Variants in TMEM132D observed in about 807,000 individuals in gnomAD.
The protein encoded by TMEM132D is mature OL transmembrane protein.
In TMEM132D, 21 loss-of-function variants were observed where a neutral mutation model predicts 62.3. The ratio of observed to expected loss-of-function variants is 0.34; its 90% CI spans 0.24 to 0.49. The LOEUF is 0.49. Ranked by LOEUF, TMEM132D falls within the 20% of genes least tolerant of loss-of-function variation. TMEM132D has a pLI of 0.99. For missense variants in TMEM132D, 1,346 were observed against 1,402.8 expected, an observed-to-expected ratio of 0.96 and a Z score of 0.65; for synonymous variants, 621 against 575.6, an observed-to-expected ratio of 1.08 and a Z score of -1.13.
chr12:129,644,495 TGA>T (rs1879720690), intron 2 of TMEM132D, among the ~76,000 whole-genome samples: 1 of 151,596 alleles, frequency 6.6e-6, no homozygotes, highest in African/African-American at 2.4e-5. Flanking sequence ...ACCATGGGAG[TGA>T]GAGAGACCAG....
intron 4 of TMEM132D, among the ~76,000 whole-genome samples, chr12:129,268,328 A>G (rs1022359232): frequency 6.6e-6 from 1 of 152,212 alleles, no homozygotes; most frequent in African/African-American, 2.4e-5. Flanking sequence ...GAACTCAAAC[A>G]AATTTACAAG....
At chr12:129,364,518 T>C (rs531369300) in intron 3 of TMEM132D, among the ~76,000 whole-genome samples, 1 of 152,354 alleles carries the variant, frequency 6.6e-6, no homozygotes, top group East Asian at 1.9e-4. Flanking sequence ...AGCGTAATTT[T>C]GTAGTTGCAA....
chr12:129,249,907 C>G (rs1458036259), intron 4 of TMEM132D, among the ~76,000 whole-genome samples: 1 of 152,094 alleles, frequency 6.6e-6, no homozygotes, highest in Non-Finnish European at 1.5e-5. Flanking sequence ...CAGGGTGTGA[C>G]AAGGGCAGGA....
intron 1 of TMEM132D, among the ~76,000 whole-genome samples, chr12:129,707,192 T>C (rs1881526455): frequency 6.8e-6 from 1 of 147,934 alleles, no homozygotes. Context: ...TATAATAACA[T>C]TGTAATATAA....
intron 5 of TMEM132D, among the ~76,000 whole-genome samples, chr12:129,198,577 A>G (rs1000425615): frequency 1.3e-4 from 20 of 152,256 alleles, no homozygotes; most frequent in Admixed American, 6.5e-4. Flanking sequence ...CAAATACTGC[A>G]TGTTCTCATT....
intron 5 of TMEM132D, among the ~76,000 whole-genome samples, chr12:129,124,040 GTCTA>G (rs1210624746): frequency 6.6e-6 from 1 of 152,140 alleles, no homozygotes; most frequent in East Asian, 1.9e-4. Flanking sequence ...CTCCCCATCT[GTCTA>G]TCTATGTGCA....
intron 2 of TMEM132D, among the ~76,000 whole-genome samples, chr12:129,603,267 G>A (rs1878529734): frequency 6.6e-6 from 1 of 152,256 alleles, no homozygotes; most frequent in Non-Finnish European, 1.5e-5. Context: ...ATACAGAGTA[G>A]ATTCCCTGCC....
At chr12:129,332,755 C>T (rs1869149830) in intron 4 of TMEM132D, among the ~76,000 whole-genome samples, 1 of 152,122 alleles carries the variant, frequency 6.6e-6, no homozygotes, top group South Asian at 2.1e-4. Flanking sequence ...GTCTGACCAG[C>T]AAAGTTAGCA....
intron 4 of TMEM132D, among the ~76,000 whole-genome samples, chr12:129,302,254 A>G (rs2135628265): frequency 6.6e-6 from 1 of 152,322 alleles, no homozygotes; most frequent in Admixed American, 6.5e-5. Context: ...AGCTGGGATT[A>G]TAGGTGTGCA....
intron 4 of TMEM132D, among the ~76,000 whole-genome samples, chr12:129,278,194 C>T (rs185467444): frequency 3.3e-5 from 5 of 152,254 alleles, no homozygotes; most frequent in Non-Finnish European, 7.4e-5. Flanking sequence ...CTCTGAGAAA[C>T]GCAGCAGCCA....
intron 3 of TMEM132D, among the ~76,000 whole-genome samples, chr12:129,415,985 T>C (rs1018398529): frequency 6.6e-6 from 1 of 152,202 alleles, no homozygotes; most frequent in Admixed American, 6.5e-5. Flanking sequence ...TGTACTGAGG[T>C]GCATGGTGTC....
chr12:129,103,658 C>G (rs570514091), intron 5 of TMEM132D, among the ~76,000 whole-genome samples: 4 of 152,190 alleles, frequency 2.6e-5, no homozygotes, highest in African/African-American at 7.2e-5. Flanking sequence ...GCTGGGATTA[C>G]AGGCGTGAGC....
Position 129,340,917 on chromosome 12 carries a change from C to A in TMEM132D, c.1116-3100G>T, listed in dbSNP as rs138166458. ...GAAAACGTTGTATGCGCGTGATTTT[C>A]TGGAAAGATTCCTTAGCTTGCATGA... is the stretch of plus-strand genomic sequence containing the variant. On this transcript the variant is annotated intron_variant, in intron 3 of 8. Coordinates refer to ENST00000422113, the MANE Select transcript of TMEM132D (RefSeq NM_133448.3). 2.0e-3 allele frequency among the ~76,000 whole-genome samples: 300 copies of A among 152,284 alleles called. 2 individuals carry two copies. The highest frequency in any genetic ancestry group is 6.7e-3 in the African/African-American group (277 of 41,554).
chr12:129,658,933 C>T lies in TMEM132D; in HGVS notation c.968+40877G>A, dbSNP rs149606925. On this transcript the variant is annotated intron_variant, in intron 2 of 8. Coordinates refer to ENST00000422113, the MANE Select transcript of TMEM132D (RefSeq NM_133448.3). ...AATGAGACCCCTGTCTGGGGTCTCA[C>T]TCTGTCATCCAGGCTGGAGTGTGGT... Among the ~76,000 whole-genome samples, 275 of 152,276 alleles carry T rather than the reference C, an allele frequency of 1.8e-3. 4 individuals are homozygous for T. In the East Asian group the frequency reaches 0.045, roughly 25 times the overall value.
intron 2 of TMEM132D, among the ~76,000 whole-genome samples, chr12:129,675,430 T>C (rs1363380225): frequency 1.3e-5 from 2 of 151,786 alleles, no homozygotes; most frequent in Non-Finnish European, 2.9e-5. Flanking sequence ...GCAGGCAGGG[T>C]TTAAAACCTA....
intron 4 of TMEM132D, among the ~76,000 whole-genome samples, chr12:129,215,263 G>A (rs954365401): frequency 5.3e-5 from 8 of 152,126 alleles, no homozygotes; most frequent in African/African-American, 1.9e-4. Flanking sequence ...TCGCTTATAA[G>A]TGGGGGCTAA....
chr12:129,280,698 C>T (rs567004757), intron 4 of TMEM132D, among the ~76,000 whole-genome samples: 148 of 151,540 alleles, frequency 9.8e-4, no homozygotes, highest in African/African-American at 3.4e-3. Context: ...TATCTATCTA[C>T]CTACCTATCA....
At chr12:129,237,259 T>C (rs1439208739) in intron 4 of TMEM132D, among the ~76,000 whole-genome samples, 1 of 152,216 alleles carries the variant, frequency 6.6e-6, no homozygotes, top group Admixed American at 6.5e-5. Flanking sequence ...TTTTCTCTTT[T>C]TGTCATGCCC....
intron 2 of TMEM132D, among the ~76,000 whole-genome samples, chr12:129,532,576 C>A (rs913188811): frequency 1.1e-4 from 16 of 152,174 alleles, no homozygotes; most frequent in African/African-American, 3.4e-4. Context: ...CTTGAGACTG[C>A]CCTCCTTAGG....
Sources: gnomAD v4.1 joint callset for allele counts (sites outside exome capture counted in the v4.1 genomes callset) on GRCh38, gnomAD v4.1.1 for gene constraint, MANE v1.5 for transcripts, NCBI Gene and HGNC (gene_info 2026-07-23, HGNC 2026-07-21) for gene names.